Variants in KCNAB1 observed in about 807,000 individuals in gnomAD.
KCNAB1 encodes the protein voltage-gated potassium channel subunit beta-1.
A neutral mutation model predicts 64.6 loss-of-function variants in KCNAB1; 35 were observed. The observed-to-expected ratio is 0.54, with a 90% CI of 0.41 to 0.72. KCNAB1 has a LOEUF of 0.72. Among genes scored for constraint, KCNAB1 ranks in the 30% least tolerant of loss-of-function variants. KCNAB1 has a pLI of 0.00. For synonymous variants in KCNAB1, 177 were observed against 183.8 expected (o/e 0.96, Z 0.30); for missense variants, 401 against 512.9 (o/e 0.78, Z 2.11).
rs778469176 is a variant in KCNAB1, at chr3:156,536,947, T to C, written c.*200T>C. Reference sequence around the variant, plus strand: ...CTCACAACCAAGAAAATCCATTCTATTTTCTTATCTTGGACTGGAGTCACC... The same window carrying C: ...CTCACAACCAAGAAAATCCATTCTACTTTCTTATCTTGGACTGGAGTCACC... On this transcript the variant is annotated 3_prime_UTR_variant, in exon 14 of 14. Coordinates refer to ENST00000490337, the MANE Select transcript of KCNAB1 (RefSeq NM_172160.3). The C allele has an allele frequency of 6.7e-6, 4 of 597,170 alleles. No individual in the cohort carries two copies. The highest frequency in any genetic ancestry group is 2.8e-5 in the East Asian group (1 of 36,174). The allele number at this position is 597,170 out of a possible 1,614,324, so 37.0% of individuals were successfully genotyped here.
At chr3:156,515,683 A>G (rs962451674) in intron 10 of KCNAB1, among the ~76,000 whole-genome samples, 1 of 152,242 alleles carries the variant, frequency 6.6e-6, no homozygotes, top group Admixed American at 6.5e-5. Flanking sequence ...TTGTGCAGAT[A>G]GAACTAATGC....
intron 12 of KCNAB1, among the ~76,000 whole-genome samples, chr3:156,525,873 T>G (rs999878147): frequency 6.6e-6 from 1 of 152,220 alleles, no homozygotes; most frequent in Non-Finnish European, 1.5e-5. Flanking sequence ...CTAATGTTAA[T>G]TTATTATTGA....
chr3:156,212,849 G>A (rs1265509189), intron 1 of KCNAB1, among the ~76,000 whole-genome samples: 1 of 152,192 alleles, frequency 6.6e-6, no homozygotes, highest in Non-Finnish European at 1.5e-5. Context: ...TGCTGCTGGA[G>A]CATAAATCCT....
intron 1 of KCNAB1, among the ~76,000 whole-genome samples, chr3:156,231,702 C>T (rs1716542652): frequency 6.6e-6 from 1 of 152,006 alleles, no homozygotes; most frequent in Non-Finnish European, 1.5e-5. Context: ...CTTCACAATC[C>T]TTTGCCTTAA....
At position 156,142,892 on chromosome 3, in the gene KCNAB1, A is replaced by T. The variant is rs143392051; in HGVS notation, c.275+22006A>T. On this transcript the variant is annotated intron_variant, in intron 1 of 13. Transcript: ENST00000490337. ...TTTTTTTTCCCCAGGGCCAGTACAT[A>T]GTTGCTTATGTTTGACTCTGAGTAC... The T allele has an allele frequency of 4.1e-5, 31 of 758,492 alleles. 1 individual carries two copies. In the African/African-American group the frequency reaches 4.8e-4, roughly 12 times the overall value. The allele number at this position is 758,492 out of a possible 1,614,324, so 47.0% of individuals were successfully genotyped here. A position where few individuals can be genotyped will look rare whatever the true frequency, so the allele number is the denominator to read the frequency against.
intron 1 of KCNAB1, among the ~76,000 whole-genome samples, chr3:156,400,303 A>G (rs576213012): frequency 6.6e-6 from 1 of 152,358 alleles, no homozygotes; most frequent in Admixed American, 6.5e-5. Context: ...CTGCAAAGAT[A>G]ACCACCACTG....
intron 1 of KCNAB1, among the ~76,000 whole-genome samples, chr3:156,372,250 G>A (rs1726354681): frequency 6.6e-6 from 1 of 152,226 alleles, no homozygotes; most frequent in African/African-American, 2.4e-5. Flanking sequence ...GTAGGATATG[G>A]TGTGGTTAAG....
chr3:156,140,160 C>G (rs899067672), intron 1 of KCNAB1, among the ~76,000 whole-genome samples: 1 of 152,188 alleles, frequency 6.6e-6, no homozygotes, highest in Non-Finnish European at 1.5e-5. Flanking sequence ...TGATCCCAAG[C>G]CTCTGGACAC....
chr3:156,520,538 A>C (rs1296653533), intron 11 of KCNAB1, among the ~76,000 whole-genome samples: 3 of 152,200 alleles, frequency 2.0e-5, no homozygotes, highest in Non-Finnish European at 2.9e-5. Flanking sequence ...AGGTCATGCC[A>C]CTTCCCTCCA....
At chr3:156,370,584 T>C (rs1726236478) in intron 1 of KCNAB1, among the ~76,000 whole-genome samples, 1 of 152,204 alleles carries the variant, frequency 6.6e-6, no homozygotes, top group Admixed American at 6.5e-5. Flanking sequence ...CAAACTGATG[T>C]ATGAGACTGA....
At chr3:156,147,961 G>A (rs4990252) in intron 1 of KCNAB1, among the ~76,000 whole-genome samples, 83,338 of 150,370 alleles carry the variant, frequency 0.55, 23,914 homozygotes, top group Admixed American at 0.72. Context: ...ACACACACAC[G>A]CACGCACACG....
intron 1 of KCNAB1, chr3:156,143,003 C>G: frequency 7.6e-7 from 1 of 1,314,696 alleles, no homozygotes; most frequent in East Asian, 2.9e-5. Context: ...ACAGCTCTGT[C>G]GGGAACTTAG....
chr3:156,487,698 G>A (rs956417991), intron 8 of KCNAB1, among the ~76,000 whole-genome samples: 1 of 152,084 alleles, frequency 6.6e-6, no homozygotes, highest in African/African-American at 2.4e-5. Flanking sequence ...AGAAAGCTTA[G>A]TGTTAACCAA....
At chr3:156,407,816 C>G (rs1263811297) in intron 1 of KCNAB1, among the ~76,000 whole-genome samples, 3 of 152,228 alleles carry the variant, frequency 2.0e-5, no homozygotes, top group African/African-American at 4.8e-5. Flanking sequence ...GCAGAGCACA[C>G]AGAGCACACA....
At chr3:156,291,351 C>A (rs1720398494) in intron 1 of KCNAB1, 2 of 994,024 alleles carry the variant, frequency 2.0e-6, no homozygotes, top group Non-Finnish European at 2.4e-6. Context: ...GACCACCAGT[C>A]CGAGGGGACC....
At chr3:156,219,950 GA>G (rs1486493733) in intron 1 of KCNAB1, among the ~76,000 whole-genome samples, 1 of 151,602 alleles carries the variant, frequency 6.6e-6, no homozygotes, top group African/African-American at 2.4e-5. Flanking sequence ...TCCCACCTGT[GA>G]GTGAGAACAT....
chr3:156,310,630 C>T (rs965189589), intron 1 of KCNAB1, among the ~76,000 whole-genome samples: 6 of 152,084 alleles, frequency 3.9e-5, no homozygotes, highest in African/African-American at 1.2e-4. Context: ...AGTGAAACCC[C>T]GTCTCTACTA....
chr3:156,219,797 CA>C (rs1471021539), intron 1 of KCNAB1, among the ~76,000 whole-genome samples: 1 of 151,560 alleles, frequency 6.6e-6, no homozygotes, highest in Non-Finnish European at 1.5e-5. Context: ...AAACCTGTGC[CA>C]TGGTGGTTTG....
intron 1 of KCNAB1, among the ~76,000 whole-genome samples, chr3:156,164,681 ATGT>A (rs1452807128): frequency 2.0e-5 from 3 of 152,188 alleles, no homozygotes; most frequent in African/African-American, 4.8e-5. Context: ...ATTGAAAAAG[ATGT>A]TGTTTAGCCT....
Sources: gnomAD v4.1 joint callset for allele counts (sites outside exome capture counted in the v4.1 genomes callset) on GRCh38, gnomAD v4.1.1 for gene constraint, MANE v1.5 for transcripts, NCBI Gene and HGNC (gene_info 2026-07-23, HGNC 2026-07-21) for gene names.